Variants in CRY1 observed in about 807,000 individuals in gnomAD.
CRY1 encodes the protein cryptochrome circadian regulator 1, also known as cryptochrome-1.
A neutral mutation model predicts 76.0 loss-of-function variants in CRY1; 45 were observed. That is an observed-to-expected ratio of 0.59 (90% CI 0.47 to 0.76). The LOEUF is 0.76. Among genes scored for constraint, CRY1 ranks in the 30% least tolerant of loss-of-function variants. CRY1 has a pLI of 0.00. For missense variants in CRY1, 587 were observed against 716.4 expected (o/e 0.82, Z 2.06); for synonymous variants, 248 against 244.0 (o/e 1.02, Z -0.15).
chr12:107,092,543 C>T (rs1953484334), intron 1 of CRY1, among the ~76,000 whole-genome samples: 1 of 152,166 alleles, frequency 6.6e-6, no homozygotes, highest in African/African-American at 2.4e-5. Context: ...GAATTCTCCA[C>T]AAATTCAGGG....
intron 1 of CRY1, among the ~76,000 whole-genome samples, chr12:107,077,300 CTAAT>C (rs1391297407): frequency 6.6e-6 from 1 of 152,162 alleles, no homozygotes. Context: ...ATTGTATGTT[CTAAT>C]TGTCCTTTAG....
At chr12:107,065,634 A>T (rs1248615650) in intron 1 of CRY1, among the ~76,000 whole-genome samples, 1 of 152,154 alleles carries the variant, frequency 6.6e-6, no homozygotes, top group Non-Finnish European at 1.5e-5. Context: ...ATTTTGGTGT[A>T]TAGAACAAAA....
chr12:107,052,244 C>T (rs1261112292), intron 1 of CRY1, among the ~76,000 whole-genome samples: 6 of 152,032 alleles, frequency 3.9e-5, no homozygotes, highest in African/African-American at 1.2e-4. Context: ...CCATTAGCAG[C>T]CTTTTACTAT....
Position 106,997,360 on chromosome 12 carries a change from G to T in CRY1, c.1519C>A (p.Pro507Thr). 1 of 1,613,868 alleles carries T rather than the reference G, an allele frequency of 6.2e-7. No homozygotes were observed. Among genetic ancestry groups the T allele is most frequent in the African/African-American group, 1.3e-5 (1 of 74,986 alleles). ...LGLLASVPSN[P>T]NGNGGFMGYS... Reference sequence around the variant, plus strand: ...CCCATGAAGCCTCCATTCCCATTAGGATTAGAAGGTACTGATGCCAGAAGA... The same window carrying T: ...CCCATGAAGCCTCCATTCCCATTAGTATTAGAAGGTACTGATGCCAGAAGA... Residue 507 changes from proline (P) to threonine (T), a missense_variant, in exon 10 of 13, where the codon CCT becomes ACT. Transcript: ENST00000008527.
chr12:107,087,429 C>T (rs1221000851), intron 1 of CRY1, among the ~76,000 whole-genome samples: 2 of 152,176 alleles, frequency 1.3e-5, no homozygotes, highest in Admixed American at 6.5e-5. Flanking sequence ...CTTCAAGAGC[C>T]CACCTCTTGG....
chr12:107,087,978 A>T (rs1222907170), intron 1 of CRY1, among the ~76,000 whole-genome samples: 2 of 152,148 alleles, frequency 1.3e-5, no homozygotes, highest in African/African-American at 4.8e-5. Flanking sequence ...GGTTGAGGCT[A>T]CAGTGAGCCA....
At chr12:107,081,857 T>A (rs1383702285) in intron 1 of CRY1, among the ~76,000 whole-genome samples, 3 of 152,034 alleles carry the variant, frequency 2.0e-5, no homozygotes, top group African/African-American at 7.2e-5. Flanking sequence ...TGATATAGTT[T>A]ACATATTTGT....
At chr12:107,046,058 C>T (rs201385256) in intron 1 of CRY1, among the ~76,000 whole-genome samples, 5 of 150,778 alleles carry the variant, frequency 3.3e-5, no homozygotes, top group Middle Eastern at 3.5e-3. Flanking sequence ...ACCTAGGAGG[C>T]GGAGGTTGCA....
At chr12:107,048,100 A>G (rs1173452297) in intron 1 of CRY1, among the ~76,000 whole-genome samples, 1 of 141,046 alleles carries the variant, frequency 7.1e-6, no homozygotes, top group Non-Finnish European at 1.5e-5. Context: ...TTTTTTTTTG[A>G]GATGGACTCT....
Position 107,087,146 on chromosome 12 carries a change from A to G in CRY1, c.158+5658T>C, listed in dbSNP as rs372306604. Among the ~76,000 whole-genome samples the G allele has an allele frequency of 5.9e-5, 9 of 152,392 alleles. 1 individual carries two copies. The highest frequency in any genetic ancestry group is 2.2e-4 in the African/African-American group (9 of 41,594). ...TCAGCCTGGAAAAGTGACAGACATT[A>G]GACTCCAATCCATGAGAGCAGCCAT... On this transcript the variant is annotated intron_variant, in intron 1 of 12. Transcript: ENST00000008527.
intron 1 of CRY1, among the ~76,000 whole-genome samples, chr12:107,036,971 A>G (rs1952740742): frequency 6.6e-6 from 1 of 151,990 alleles, no homozygotes; most frequent in Non-Finnish European, 1.5e-5. Flanking sequence ...ATACTATATA[A>G]TTTATTTATG....
At chr12:107,082,366 C>T (rs987530750) in intron 1 of CRY1, among the ~76,000 whole-genome samples, 2 of 152,122 alleles carry the variant, frequency 1.3e-5, no homozygotes, top group Non-Finnish European at 2.9e-5. Flanking sequence ...ATCTACAGAA[C>T]TCTCTACCCC....
At chr12:107,022,615 T>C (rs975338461) in intron 1 of CRY1, among the ~76,000 whole-genome samples, 1 of 151,370 alleles carries the variant, frequency 6.6e-6, no homozygotes, top group African/African-American at 2.4e-5. Context: ...AAACATCCTA[T>C]GTAATGAATA....
At chr12:107,071,024 A>T (rs1593538064) in intron 1 of CRY1, among the ~76,000 whole-genome samples, 2 of 152,128 alleles carry the variant, frequency 1.3e-5, no homozygotes, top group South Asian at 2.1e-4. Flanking sequence ...TATTATTAAT[A>T]GTACCTTTTC....
chr12:107,087,836 C>T (rs1953421158), intron 1 of CRY1, among the ~76,000 whole-genome samples: 1 of 151,842 alleles, frequency 6.6e-6, no homozygotes, highest in Admixed American at 6.6e-5. Flanking sequence ...TTGCTTTAGC[C>T]CGGGAGTATG....
At chr12:107,077,452 C>T (rs915327022) in intron 1 of CRY1, among the ~76,000 whole-genome samples, 1 of 152,154 alleles carries the variant, frequency 6.6e-6, no homozygotes, top group African/African-American at 2.4e-5. Context: ...GAGATTTACC[C>T]AAGGTCAGTC....
rs1252130170 is a variant in CRY1 at position 106,998,012 on chromosome 12, T to C, written c.1192A>G (p.Met398Val). The C allele has an allele frequency of 1.9e-6, 3 of 1,614,012 alleles. No individual in the cohort carries two copies. The highest frequency in any genetic ancestry group is 2.7e-5 in the African/African-American group (2 of 74,940). The change falls in exon 8 of 13, where the codon ATG (methionine) becomes GTG (valine). Residue 398 changes from methionine to valine, a missense_variant. Transcript: ENST00000008527. ...AAAAAGGAACTACAAGACAGCCACA[T>C]CCAACTTCCAGCATTTATGCTCCAA... ...ADWSINAGSW[M>V]WLSCSSFFQQ...
chr12:107,044,398 C>T (rs1952828862), intron 1 of CRY1, among the ~76,000 whole-genome samples: 1 of 152,182 alleles, frequency 6.6e-6, no homozygotes, highest in Non-Finnish European at 1.5e-5. Context: ...GAGGTGCCCA[C>T]AGTTATTGCT....
intron 1 of CRY1, among the ~76,000 whole-genome samples, chr12:107,060,211 A>G (rs1482400806): frequency 6.6e-6 from 1 of 152,236 alleles, no homozygotes; most frequent in Non-Finnish European, 1.5e-5. Context: ...TGTGTCCCCC[A>G]AAAAGCACAT....
Sources: allele counts gnomAD v4.1 joint callset (sites outside exome capture counted in the v4.1 genomes callset), GRCh38; gene constraint gnomAD v4.1.1; transcripts MANE v1.5; gene names NCBI Gene and HGNC (gene_info 2026-07-23, HGNC 2026-07-21).